Variants in PACRG observed in about 807,000 individuals in gnomAD.
PACRG encodes parkin coregulated, also known as parkin coregulated gene protein.
A neutral mutation model predicts 29.7 loss-of-function variants in PACRG; 29 were observed. The observed-to-expected ratio is 0.98, with a 90% CI of 0.73 to 1.33. PACRG has a LOEUF of 1.33. Among genes scored for constraint, PACRG ranks in the 40% most tolerant of loss-of-function variants. The probability of loss-of-function intolerance (pLI) is 0.00; values close to 1 mark genes in which losing one functional copy is unlikely to be tolerated. For missense variants in PACRG, 279 were observed against 316.2 expected (o/e 0.88, Z 0.89); for synonymous variants, 116 against 118.7 (o/e 0.98, Z 0.15).
chr6:162,871,983 ATTT>A (rs1157095809), intron 2 of PACRG, among the ~76,000 whole-genome samples: 6 of 152,226 alleles, frequency 3.9e-5, no homozygotes, highest in Non-Finnish European at 8.8e-5. Flanking sequence ...TCAATAGAAT[ATTT>A]TAAATTCTTC....
intron 2 of PACRG, among the ~76,000 whole-genome samples, chr6:162,913,218 G>T (rs920308313): frequency 6.6e-6 from 1 of 152,222 alleles, no homozygotes; most frequent in South Asian, 2.1e-4. Context: ...CAGGAAGCAC[G>T]ATAATCAACA....
At chr6:163,270,215 G>A (rs1783772757) in intron 4 of PACRG, among the ~76,000 whole-genome samples, 1 of 152,094 alleles carries the variant, frequency 6.6e-6, no homozygotes, top group Admixed American at 6.5e-5. Flanking sequence ...AATTCACTGG[G>A]AAAATAAAAG....
At chr6:163,169,224 C>T (rs2235993) in intron 4 of PACRG, among the ~76,000 whole-genome samples, 63,314 of 152,030 alleles carry the variant, frequency 0.42, 13,472 homozygotes, top group East Asian at 0.56. Context: ...ATGAGTCTCA[C>T]TGAAGCGTGT....
intron 4 of PACRG, among the ~76,000 whole-genome samples, chr6:163,303,578 A>G (rs892679104): frequency 6.6e-6 from 1 of 152,188 alleles, no homozygotes; most frequent in Non-Finnish European, 1.5e-5. Context: ...AATCAAAATC[A>G]TCTATTTTGC....
intron 4 of PACRG, among the ~76,000 whole-genome samples, chr6:163,135,251 C>T (rs1363975007): frequency 1.3e-5 from 2 of 151,204 alleles, no homozygotes; most frequent in Admixed American, 6.6e-5. Flanking sequence ...TACAGTGGCA[C>T]AATCTCGGCT....
intron 4 of PACRG, among the ~76,000 whole-genome samples, chr6:163,184,111 TCTC>T (rs1318703529): frequency 6.6e-6 from 1 of 152,222 alleles, no homozygotes; most frequent in East Asian, 1.9e-4. Flanking sequence ...GAAAATAGAA[TCTC>T]CTCACCATCC....
At chr6:162,787,582 GTATATATATATATATATATATATATA>G (rs869254835) in intron 1 of PACRG, among the ~76,000 whole-genome samples, 1 of 62,418 alleles carries the variant, frequency 1.6e-5, no homozygotes, top group Non-Finnish European at 3.0e-5. Flanking sequence ...GTGTGTGTGT[GTATATATATATATATATATATATATA>G]TATATATATA....
chr6:162,975,900 T>C (rs1292562068), intron 2 of PACRG, among the ~76,000 whole-genome samples: 2 of 151,886 alleles, frequency 1.3e-5, no homozygotes, highest in Non-Finnish European at 2.9e-5. Flanking sequence ...TACTGCACTG[T>C]AAATACAAAG....
chr6:163,132,797 G>A (rs1388191046), intron 4 of PACRG, among the ~76,000 whole-genome samples: 1 of 152,214 alleles, frequency 6.6e-6, no homozygotes, highest in Non-Finnish European at 1.5e-5. Flanking sequence ...ATTCCTGCAA[G>A]TGGGGACAAA....
intron 4 of PACRG, among the ~76,000 whole-genome samples, chr6:163,154,755 T>A (rs1056939734): frequency 2.6e-5 from 4 of 152,218 alleles, no homozygotes; most frequent in Non-Finnish European, 4.4e-5. Context: ...GTTATTTATG[T>A]GAAATGTAAA....
intron 2 of PACRG, among the ~76,000 whole-genome samples, chr6:162,846,508 C>A (rs922322797): frequency 6.6e-6 from 1 of 152,180 alleles, no homozygotes; most frequent in African/African-American, 2.4e-5. Context: ...CATAGCCAAA[C>A]CATCACCAGG....
intron 1 of PACRG, among the ~76,000 whole-genome samples, chr6:162,806,810 A>G (rs1786378537): frequency 6.6e-6 from 1 of 152,162 alleles, no homozygotes; most frequent in African/African-American, 2.4e-5. Flanking sequence ...CCCTAACAAG[A>G]GAGTCAGCCT....
chr6:163,251,561 A>T (rs1782906265), intron 4 of PACRG, among the ~76,000 whole-genome samples: 1 of 152,152 alleles, frequency 6.6e-6, no homozygotes, highest in Admixed American at 6.5e-5. Flanking sequence ...GAACACTCTT[A>T]GTGTGTATTA....
chr6:163,095,583 T>TC (rs1178776404), intron 4 of PACRG: 1 of 358,548 alleles, frequency 2.8e-6, no homozygotes, highest in African/African-American at 2.3e-5. Flanking sequence ...CGGGGAAGCC[T>TC]CCTTCCTGCT....
intron 4 of PACRG, among the ~76,000 whole-genome samples, chr6:163,235,201 A>G (rs145310714): frequency 5.5e-4 from 83 of 152,286 alleles, no homozygotes; most frequent in African/African-American, 1.8e-3. Flanking sequence ...GTTCAGACGC[A>G]CCACATTTCC....
chr6:163,069,225 C>G (rs1811821221), intron 3 of PACRG, among the ~76,000 whole-genome samples: 1 of 150,620 alleles, frequency 6.6e-6, no homozygotes, highest in South Asian at 2.1e-4. Context: ...GACCGCAATA[C>G]CTAACTTTTC....
chr6:163,135,598 A>G (rs1051091255), intron 4 of PACRG, among the ~76,000 whole-genome samples: 4 of 152,248 alleles, frequency 2.6e-5, no homozygotes, highest in African/African-American at 9.6e-5. Flanking sequence ...ATTATAAACA[A>G]TGATTCGGGA....
At chr6:163,116,350 A>T (rs1815992222) in intron 4 of PACRG, among the ~76,000 whole-genome samples, 1 of 152,128 alleles carries the variant, frequency 6.6e-6, no homozygotes, top group Non-Finnish European at 1.5e-5. Flanking sequence ...TGAGGGGGAA[A>T]TCCGCAGCCA....
intron 1 of PACRG, among the ~76,000 whole-genome samples, chr6:162,747,325 CATATATATATATATATATATATATATAT>C (rs1190146053): frequency 3.0e-5 from 1 of 33,230 alleles, no homozygotes; most frequent in Non-Finnish European, 5.7e-5. Context: ...TCTCCTTGCT[CATATATATATATATATATATATATATAT>C]ATATATATAT....
Sources: gnomAD v4.1 joint callset for allele counts (sites outside exome capture counted in the v4.1 genomes callset) on GRCh38, gnomAD v4.1.1 for gene constraint, MANE v1.5 for transcripts, NCBI Gene and HGNC (gene_info 2026-07-23, HGNC 2026-07-21) for gene names.